Variants in STK3 observed in about 807,000 individuals in gnomAD.
STK3 encodes serine/threonine kinase 3, also known as serine/threonine-protein kinase 3.
STK3 carries 41 observed loss-of-function variants against 58.0 expected under a neutral mutation model. That is an observed-to-expected ratio of 0.71 (90% CI 0.55 to 0.92). The LOEUF (loss-of-function observed/expected upper bound fraction) is 0.92, where lower values mean the gene tolerates loss of function less well. Ranked by LOEUF, STK3 falls within the 40% of genes least tolerant of loss-of-function variation. The pLI, the probability that STK3 is intolerant of heterozygous loss-of-function variation, is 0.00. For missense variants in STK3, 479 were observed against 602.7 expected (o/e 0.79, Z 2.15); for synonymous variants, 170 against 191.0 (o/e 0.89, Z 0.91).
chr8:98,462,575 C>T (rs1440906758), intron 10 of STK3, among the ~76,000 whole-genome samples: 3 of 151,044 alleles, frequency 2.0e-5, no homozygotes, highest in African/African-American at 7.3e-5. Flanking sequence ...GTTGAGTTTA[C>T]AGGAAATCTG....
chr8:98,652,360 C>A (rs75267626), intron 6 of STK3, among the ~76,000 whole-genome samples: 1 of 152,302 alleles, frequency 6.6e-6, no homozygotes, highest in East Asian at 1.9e-4. Context: ...ACAACCGGTA[C>A]CAGCCACTAC....
intron 3 of STK3, among the ~76,000 whole-genome samples, chr8:98,393,936 A>C (rs1817872043): frequency 6.6e-6 from 1 of 152,200 alleles, no homozygotes. Context: ...TTTCTTTTAT[A>C]GCACTAACTA....
chr8:98,867,373 C>A (rs542618411), intron 3 of STK3, among the ~76,000 whole-genome samples: 10 of 152,136 alleles, frequency 6.6e-5, no homozygotes, highest in South Asian at 4.1e-4. Context: ...GAGATCGCGC[C>A]CCTGCGTTCC....
intron 1 of STK3, among the ~76,000 whole-genome samples, chr8:98,913,200 A>T (rs1839220045): frequency 1.3e-5 from 2 of 152,068 alleles, no homozygotes; most frequent in Non-Finnish European, 2.9e-5. Flanking sequence ...TTTCTTTTTT[A>T]AAAATGTGCA....
At chr8:98,730,363 C>G (rs1044303699) in intron 4 of STK3, among the ~76,000 whole-genome samples, 5 of 152,256 alleles carry the variant, frequency 3.3e-5, no homozygotes, top group African/African-American at 1.2e-4. Flanking sequence ...TAGATCTCAT[C>G]CTGATAAAGG....
chr8:98,890,735 T>C (rs1369923955), intron 1 of STK3, among the ~76,000 whole-genome samples: 2 of 152,220 alleles, frequency 1.3e-5, no homozygotes, highest in Non-Finnish European at 2.9e-5. Flanking sequence ...AAAACACCTA[T>C]AAAACTATAT....
intron 3 of STK3, among the ~76,000 whole-genome samples, chr8:98,848,127 T>C (rs1417363771): frequency 6.6e-6 from 1 of 152,234 alleles, no homozygotes; most frequent in East Asian, 1.9e-4. Context: ...TATCTTCACA[T>C]AGTTGTGCAT....
chr8:98,413,530 C>A (rs1818078716), intron 3 of STK3: 4 of 646,584 alleles, frequency 6.2e-6, no homozygotes, highest in Non-Finnish European at 1.2e-5. Flanking sequence ...AAAGGAGATA[C>A]TTCAACTGTG....
At chr8:98,638,912 GTAATTAC>G (rs780819945) in intron 6 of STK3, among the ~76,000 whole-genome samples, 1 of 152,022 alleles carries the variant, frequency 6.6e-6, no homozygotes, top group Non-Finnish European at 1.5e-5. Context: ...ATTTAATGTA[GTAATTAC>G]TATTTAGACA....
chr8:98,893,641 A>G (rs569000462), intron 1 of STK3, among the ~76,000 whole-genome samples: 2 of 152,114 alleles, frequency 1.3e-5, no homozygotes, highest in East Asian at 3.9e-4. Context: ...TAAAAAAAAA[A>G]GCAACCAAAG....
At chr8:98,576,576 C>A (rs1343901633) in intron 8 of STK3, among the ~76,000 whole-genome samples, 1 of 152,166 alleles carries the variant, frequency 6.6e-6, no homozygotes, top group African/African-American at 2.4e-5. Flanking sequence ...ATGTTTTGTA[C>A]TTTTCACTGT....
At chr8:98,498,592 C>A (rs1037692107) in intron 10 of STK3, among the ~76,000 whole-genome samples, 1 of 152,134 alleles carries the variant, frequency 6.6e-6, no homozygotes, top group Non-Finnish European at 1.5e-5. Flanking sequence ...AGTTTATGAA[C>A]CTAAATTGCT....
At chr8:98,651,254 A>C (rs912423490) in intron 6 of STK3, among the ~76,000 whole-genome samples, 3 of 152,154 alleles carry the variant, frequency 2.0e-5, no homozygotes, top group African/African-American at 7.2e-5. Flanking sequence ...ACCTCTAGCA[A>C]ACTCCAACAC....
intron 6 of STK3, among the ~76,000 whole-genome samples, chr8:98,622,939 C>T (rs1008293125): frequency 5.3e-5 from 8 of 151,992 alleles, no homozygotes; most frequent in African/African-American, 1.5e-4. Context: ...TAGAACACAA[C>T]GGTAGTAGTA....
At chr8:98,905,676 C>T in intron 1 of STK3, 1 of 733,152 alleles carries the variant, frequency 1.4e-6, no homozygotes, top group African/African-American at 1.7e-5. Context: ...ATCATCCGGA[C>T]AAGCACCTCT....
chr8:98,914,651 C>A (rs1839278159), intron 1 of STK3, among the ~76,000 whole-genome samples: 1 of 152,198 alleles, frequency 6.6e-6, no homozygotes, highest in Non-Finnish European at 1.5e-5. Flanking sequence ...CTGTCCTCAT[C>A]TCTCTTTAAG....
At chr8:98,353,244 C>T in the STK3 span, among the ~76,000 whole-genome samples, 2 of 152,116 alleles carry the variant, frequency 1.3e-5, no homozygotes, top group Non-Finnish European at 2.9e-5. Context: ...TAGGCAGAGA[C>T]AGGAGGATCA....
chr8:98,487,960 G>A (rs914975825), intron 10 of STK3, among the ~76,000 whole-genome samples: 1 of 152,178 alleles, frequency 6.6e-6, no homozygotes, highest in Non-Finnish European at 1.5e-5. Context: ...TCCATTCAAC[G>A]TAATGGCCAA....
intron 3 of STK3, among the ~76,000 whole-genome samples, chr8:98,859,583 C>A (rs1836850952): frequency 6.6e-6 from 1 of 152,200 alleles, no homozygotes; most frequent in Non-Finnish European, 1.5e-5. Context: ...AACAAGGCAA[C>A]TGACATTGTT....
Sources: allele counts gnomAD v4.1 joint callset (sites outside exome capture counted in the v4.1 genomes callset), GRCh38; gene constraint gnomAD v4.1.1; transcripts MANE v1.5; gene names NCBI Gene and HGNC (gene_info 2026-07-23, HGNC 2026-07-21).